The following ACACB variants were observed in gnomAD, a reference collection of about 807,000 sequenced individuals.
ACACB encodes acetyl-CoA carboxylase beta, also known as acetyl-CoA carboxylase 2.
Under a neutral mutation model 278.8 loss-of-function variants are expected in ACACB, and 209 were observed. The ratio of observed to expected loss-of-function variants is 0.75; its 90% confidence interval spans 0.67 to 0.84. The LOEUF (loss-of-function observed/expected upper bound fraction) is 0.84, where lower values mean the gene tolerates loss of function less well. Ranked by LOEUF, ACACB falls within the 40% of genes least tolerant of loss-of-function variation. ACACB has a pLI of 0.00. For synonymous variants in ACACB, 1,174 were observed against 1,285.6 expected (o/e 0.91, Z 1.86); for missense variants, 2,850 against 3,269.0 (o/e 0.87, Z 3.13).
intron 21 of ACACB, among the ~76,000 whole-genome samples, chr12:109,211,465 C>T (rs1045233534): frequency 6.6e-6 from 1 of 150,488 alleles, no homozygotes; most frequent in Non-Finnish European, 1.5e-5. Context: ...GTTGGCCAGG[C>T]TGGTCTTGAA....
intron 27 of ACACB, among the ~76,000 whole-genome samples, chr12:109,225,754 G>A (rs1033947146): frequency 6.6e-6 from 1 of 152,234 alleles, no homozygotes; most frequent in Non-Finnish European, 1.5e-5. Flanking sequence ...TGGTTAGTGA[G>A]CACTTGAACT....
At chr12:109,210,316 T>C (rs1440637145) in intron 21 of ACACB, among the ~76,000 whole-genome samples, 1 of 100,896 alleles carries the variant, frequency 9.9e-6, no homozygotes, top group East Asian at 3.5e-4. Flanking sequence ...TACACACACA[T>C]ATCTGTGTAT....
intron 40 of ACACB, 53 bp from the exon 41 acceptor site, chr12:109,249,931 C>A: frequency 6.4e-7 from 1 of 1,559,294 alleles, no homozygotes; most frequent in Non-Finnish European, 8.7e-7. Flanking sequence ...ATGCATCCAC[C>A]TTGGATTTTT....
rs1467609947 is a variant in ACACB, at chr12:109,268,158, T to A, written c.*1796T>A. 1 of 152,240 alleles carries A rather than the reference T, an allele frequency of 6.6e-6. No individual in the cohort carries two copies. Among genetic ancestry groups the A allele is most frequent in the Non-Finnish European group, 1.5e-5 (1 of 68,060 alleles). 9.4% of individuals were successfully genotyped at this position (152,240 alleles called of 1,614,324 possible). Reference sequence around the variant, plus strand: ...GAGAGAAAGACAAGTTATGAGTAGCTGCTACCCTGGAACGGTGGGCAGAGA... The same window carrying A: ...GAGAGAAAGACAAGTTATGAGTAGCAGCTACCCTGGAACGGTGGGCAGAGA... On this transcript the variant is annotated 3_prime_UTR_variant, in exon 53 of 53. Coordinates refer to ENST00000338432, the MANE Select transcript of ACACB (RefSeq NM_001093.4). This position sits in a 1 kb window ranked among gnomAD's most constrained non-coding sequence, Gnocchi z 4.2.
intron 22 of ACACB, among the ~76,000 whole-genome samples, chr12:109,215,329 A>G (rs1397593779): frequency 1.3e-5 from 2 of 151,962 alleles, no homozygotes; most frequent in East Asian, 1.9e-4. Context: ...CCCAAGTATA[A>G]GGCTTGGGAT....
chr12:109,246,472 A>G (rs1436208974), intron 39 of ACACB, 24 bp downstream of exon 39: 1 of 1,603,116 alleles, frequency 6.2e-7, no homozygotes, highest in Non-Finnish European at 8.5e-7. Flanking sequence ...CTGGCGGGGC[A>G]GGGTGATTCT....
rs916866583 is a variant in ACACB at position 109,191,742 on chromosome 12, C to T, written c.2274C>T (p.Tyr758=). 10 of 1,614,054 alleles carry T rather than the reference C, an allele frequency of 6.2e-6. No homozygotes were observed. The highest frequency in any genetic ancestry group is 4.2e-6 in the Non-Finnish European group (5 of 1,180,042). The change falls in exon 14 of 53, where the codon TAC becomes TAT. Residue 758 remains tyrosine, a synonymous_variant. Transcript: ENST00000338432. ...ACATCGACACCGGGTGGTTGGACTA[C>T]CTCATTGCTGAGAAAGTGCAGGTAG... The part of the protein sequence containing the change: ...NNDIDTGWLD[Y]LIAEKVQAEK...
chr12:109,147,558 G>A (rs982148162), intron 2 of ACACB, among the ~76,000 whole-genome samples: 3 of 151,820 alleles, frequency 2.0e-5, no homozygotes, highest in African/African-American at 7.3e-5. Flanking sequence ...AAAAGATTAC[G>A]TCTTTTATTT....
intron 2 of ACACB, among the ~76,000 whole-genome samples, chr12:109,160,894 TG>T (rs962432814): frequency 3.9e-5 from 6 of 152,208 alleles, no homozygotes; most frequent in Non-Finnish European, 7.3e-5. Context: ...ATGGTTTTTT[TG>T]CCCCCTAGGC....
chr12:109,261,887 A>C lies in ACACB; in HGVS notation c.6675-470A>C, dbSNP rs552511818. Among the ~76,000 whole-genome samples, 232 of 151,900 alleles carry C rather than the reference A, an allele frequency of 1.5e-3. 1 individual carries two copies. Among genetic ancestry groups the C allele is most frequent in the Non-Finnish European group, 2.7e-3 (185 of 67,878 alleles). On this transcript the variant is annotated intron_variant, in intron 48 of 52. Transcript: ENST00000338432. ...CCCTGTCTAAAAAAAAAACAAAAAA[A>C]AAAAAAAAGAAAGAAAAGAAAATGT...
chr12:109,227,966 G>C (rs1205574816), intron 28 of ACACB, among the ~76,000 whole-genome samples: 2 of 151,640 alleles, frequency 1.3e-5, no homozygotes, highest in Admixed American at 6.6e-5. Context: ...CCGGGAGGCA[G>C]AGTGAGTCAG....
intron 4 of ACACB, among the ~76,000 whole-genome samples, chr12:109,170,010 A>G (rs757127323): frequency 1.3e-5 from 2 of 152,134 alleles, no homozygotes; most frequent in East Asian, 3.9e-4. Context: ...AGATGTCCCA[A>G]CCCCTGTGTT....
intron 1 of ACACB, among the ~76,000 whole-genome samples, chr12:109,118,674 A>G (rs1302928644): frequency 6.6e-6 from 1 of 152,160 alleles, no homozygotes; most frequent in Non-Finnish European, 1.5e-5. Flanking sequence ...TTGGCCTCCC[A>G]AAGTGCTGGG....
At chr12:109,168,302 T>C (rs943743400) in intron 4 of ACACB, among the ~76,000 whole-genome samples, 3 of 152,364 alleles carry the variant, frequency 2.0e-5, no homozygotes, top group Admixed American at 2.0e-4. Context: ...GATTGGGGGC[T>C]GTTTCTCCTG....
At chr12:109,118,262 G>A (rs550145954) in intron 1 of ACACB, among the ~76,000 whole-genome samples, 2 of 152,148 alleles carry the variant, frequency 1.3e-5, no homozygotes, top group Non-Finnish European at 2.9e-5. Context: ...GTGTAAACTC[G>A]CTCATACTTT....
chr12:109,165,212 G>A (rs2043858253), intron 2 of ACACB, among the ~76,000 whole-genome samples: 1 of 152,112 alleles, frequency 6.6e-6, no homozygotes, highest in South Asian at 2.1e-4. Flanking sequence ...AAGGCAAAGG[G>A]AATTCTAGGG....
rs748021201 is a variant in ACACB at position 109,232,761 on chromosome 12, G to A, written c.4094G>A (p.Arg1365His). 9.3e-6 allele frequency: 15 copies of A among 1,614,002 alleles called. No homozygotes were observed. The highest frequency in any genetic ancestry group is 6.7e-5 in the East Asian group (3 of 44,890). The change falls in exon 29 of 53, where the codon CGC becomes CAC. Residue 1365 changes from arginine (R) to histidine (H), a missense_variant. Physicochemically the swap from Arg to His is conservative, Grantham distance 29. Coordinates refer to ENST00000338432, the MANE Select transcript of ACACB (RefSeq NM_001093.4). ...MDSGFSPLCQ[R>H]MGAMVAFRRF... ...AGCGGCTTCTCCCCACTGTGCCAGC[G>A]CATGGGAGCCATGGTAGCCTTCAGG...
At position 109,216,627 on chromosome 12, in the gene ACACB, C is replaced by T. The variant is rs762140238; in HGVS notation, c.3360C>T (p.Ser1120=). The change falls in exon 23 of 53, where the codon AGC becomes AGT. Residue 1120 remains serine (S), a synonymous_variant. Transcript: ENST00000338432. ...SIVQLVQRYR[S]GIRGYMKTVV... The stretch of plus-strand genomic sequence containing the variant: ...CTTCCCTTCTCCCCAGATACCGCAG[C>T]GGGATCCGCGGCTATATGAAAACAG... 68 of 1,613,976 alleles carry T rather than the reference C, an allele frequency of 4.2e-5. No homozygotes were observed. Among genetic ancestry groups the T allele is most frequent in the African/African-American group, 1.5e-4 (11 of 74,906 alleles).
At position 109,139,650 on chromosome 12, in the gene ACACB, C is replaced by G; in HGVS notation, c.245C>G (p.Pro82Arg). ...GCCGAGCCAGCCTCCCACAAAGGCC[C>G]CAAAGATGCCGGTCGGCGGAGAAAC... ...SQAEPASHKGPKDAGRRRNSL... is the reference protein window; with the variant it reads ...SQAEPASHKGRKDAGRRRNSL... The change falls in exon 2 of 53, where the codon CCC (proline) becomes CGC (arginine). Residue 82 changes from proline (P) to arginine (R), a missense_variant. Transcript: ENST00000338432. 6.2e-7 allele frequency: 1 copy of G among 1,614,138 alleles called. No individual in the cohort carries two copies. Among genetic ancestry groups the G allele is most frequent in the South Asian group, 1.1e-5 (1 of 91,080 alleles).
Sources: allele counts gnomAD v4.1 joint callset (sites outside exome capture counted in the v4.1 genomes callset), GRCh38; gene constraint gnomAD v4.1.1; non-coding constraint Gnocchi (gnomAD v3.1); transcripts MANE v1.5; gene names NCBI Gene and HGNC (gene_info 2026-07-23, HGNC 2026-07-21).